Variants in DBF4B observed in about 807,000 individuals in gnomAD.
DBF4B encodes protein DBF4 homolog B.
Under a neutral mutation model 53.4 loss-of-function variants are expected in DBF4B, and 49 were observed. That is an observed-to-expected ratio of 0.92 (90% CI 0.73 to 1.16). The LOEUF (loss-of-function observed/expected upper bound fraction) is 1.16. Ranked by LOEUF, DBF4B falls within the 50% of genes most tolerant of loss-of-function variation. DBF4B has a pLI of 0.00. For synonymous variants in DBF4B, 257 were observed against 288.7 expected (o/e 0.89, Z 1.11); for missense variants, 692 against 775.0 (o/e 0.89, Z 1.27).
Position 44,733,907 on chromosome 17 carries a change from A to G in DBF4B, c.557-183A>G, listed in dbSNP as rs1437976480. ...TCAGGTGCTGTTCCAGGGATAGAGG[A>G]CCCAGTCCTTAACCTCCGCTGTCAG... On this transcript the variant is annotated intron_variant, in intron 6 of 13. Transcript: ENST00000315005. The G allele has an allele frequency of 2.2e-5, 13 of 596,202 alleles. No individual in the cohort carries two copies. In the East Asian group the frequency reaches 3.3e-4, roughly 15 times the overall value. 36.9% of individuals were successfully genotyped at this position (596,202 alleles called of 1,614,324 possible). A position where few individuals can be genotyped will look rare whatever the true frequency, so the allele number is the denominator to read the frequency against.
At chr17:44,724,531 C>A (rs1974124286) in intron 3 of DBF4B, among the ~76,000 whole-genome samples, 1 of 152,220 alleles carries the variant, frequency 6.6e-6, no homozygotes. Context: ...GCGCCTATCA[C>A]CACGCCCGGC....
intron 2 of DBF4B, among the ~76,000 whole-genome samples, chr17:44,718,019 C>G (rs1204083219): frequency 6.6e-6 from 1 of 151,204 alleles, no homozygotes; most frequent in Non-Finnish European, 1.5e-5. Flanking sequence ...GAGTGAGATC[C>G]TGTCTCAAAA....
chr17:44,734,124 G>A lies in DBF4B; in HGVS notation c.591G>A (p.Ala197=), dbSNP rs367605540. ...TGCACGTGCAACAGCTGTCTCTTGCGTCTTTATGTGTGAAAAAACAACAGC... is the reference window on the plus strand; with the variant it reads ...TGCACGTGCAACAGCTGTCTCTTGCATCTTTATGTGTGAAAAAACAACAGC... ...MMMHVQQLSL[A]SLCVKKQQPK... The change falls in exon 7 of 14, where the codon GCG becomes GCA. Residue 197 remains alanine, a synonymous_variant. Transcript: ENST00000315005. The A allele has an allele frequency of 3.7e-5, 59 of 1,614,018 alleles. No individual in the cohort carries two copies. Among genetic ancestry groups the A allele is most frequent in the Non-Finnish European group, 3.9e-5 (46 of 1,180,026 alleles).
At chr17:44,726,292 T>TTTTTTTTC (rs1555676222) in intron 3 of DBF4B, among the ~76,000 whole-genome samples, 1 of 132,054 alleles carries the variant, frequency 7.6e-6, no homozygotes, top group Admixed American at 8.0e-5. Flanking sequence ...CCCGGCCCTT[T>TTTTTTTTC]TTTATTTATT....
At chr17:44,714,738 G>T (rs1368313918) in intron 2 of DBF4B, among the ~76,000 whole-genome samples, 2 of 151,852 alleles carry the variant, frequency 1.3e-5, no homozygotes, top group Non-Finnish European at 2.9e-5. Flanking sequence ...TTGTAGAAGT[G>T]GAGTCTCACT....
Position 44,751,860 on chromosome 17 carries a change from G to T in DBF4B, c.*607G>T. ...TCCTTGAAGCCTGGCTCCCTTGGTC[G>T]CAGCAGCCCCTCAGTGGCCTGGTTC... On this transcript the variant is annotated 3_prime_UTR_variant, in exon 14 of 14. Transcript: ENST00000315005. 6.5e-7 allele frequency: 1 copy of T among 1,535,530 alleles called. No individual in the cohort carries two copies. Among genetic ancestry groups the T allele is most frequent in the South Asian group, 1.2e-5 (1 of 84,032 alleles).
At chr17:44,741,159 GA>G (rs1318993197) in intron 9 of DBF4B, among the ~76,000 whole-genome samples, 176 bp from the exon 10 acceptor site, 1 of 152,062 alleles carries the variant, frequency 6.6e-6, no homozygotes, top group Non-Finnish European at 1.5e-5. Context: ...AGTAGACAGG[GA>G]GAACATATGT....
At position 44,747,377 on chromosome 17, in the gene DBF4B, T is replaced by A. The variant is rs1294544349; in HGVS notation, c.940-14T>A. 10 of 1,612,950 alleles carry A rather than the reference T, an allele frequency of 6.2e-6. No homozygotes were observed. Among genetic ancestry groups the A allele is most frequent in the Middle Eastern group, 3.3e-4 (2 of 6,080 alleles). The stretch of plus-strand genomic sequence containing the variant: ...CCTCATCTAATGCCCTGTGCTCCTC[T>A]CCCCCGCCGGCAGCATCTTCAGAGT... On this transcript the variant is annotated splice_polypyrimidine_tract_variant and intron_variant, in intron 11 of 13. Transcript: ENST00000315005.
At chr17:44,720,530 ACATCAG>A in intron 2 of DBF4B, 1 of 183,074 alleles carries the variant, frequency 5.5e-6, no homozygotes, top group East Asian at 1.3e-4. Flanking sequence ...CTTGCCACCA[ACATCAG>A]CTTTCTTGGC....
At chr17:44,713,327 C>G (rs1041264800) in intron 2 of DBF4B, among the ~76,000 whole-genome samples, 2 of 149,694 alleles carry the variant, frequency 1.3e-5, no homozygotes, top group Non-Finnish European at 3.0e-5. Flanking sequence ...AGGTGTGAGC[C>G]ACCACGCCCC....
At chr17:44,735,132 A>G (rs1204579931) in intron 7 of DBF4B, among the ~76,000 whole-genome samples, 6 of 152,142 alleles carry the variant, frequency 3.9e-5, no homozygotes. Flanking sequence ...TGGAGCATTC[A>G]GACACTGACG....
intron 9 of DBF4B, among the ~76,000 whole-genome samples, chr17:44,739,770 G>T (rs1975809101): frequency 6.6e-6 from 1 of 152,012 alleles, no homozygotes; most frequent in Non-Finnish European, 1.5e-5. Context: ...GAGATTTCTT[G>T]TGAAATTTTT....
chr17:44,745,424 C>G (rs1976496979), intron 10 of DBF4B, among the ~76,000 whole-genome samples: 1 of 152,152 alleles, frequency 6.6e-6, no homozygotes, highest in Non-Finnish European at 1.5e-5. Flanking sequence ...GTTTAATAGA[C>G]TCACAGTTCA....
rs543706982 is a variant in DBF4B, at chr17:44,718,202, C to T, written c.83-4678C>T. ...ATCCCAGCACTTTGGGAGGCCGAGG[C>T]GGGCGGATCATGAGTTCAAGAGATC... On this transcript the variant is annotated intron_variant, in intron 2 of 13. Transcript: ENST00000315005. 5.9e-5 allele frequency among the ~76,000 whole-genome samples: 9 copies of T among 151,960 alleles called. No individual in the cohort carries two copies. The East Asian group carries it at 1.2e-3, about 20-fold the overall frequency.
intron 10 of DBF4B, among the ~76,000 whole-genome samples, chr17:44,743,140 C>T (rs992598886): frequency 1.3e-5 from 2 of 152,170 alleles, no homozygotes; most frequent in South Asian, 2.1e-4. Flanking sequence ...CCAGGCTTGG[C>T]GCTGGCAGTG....
intron 8 of DBF4B, 105 bp from the exon 9 acceptor site, chr17:44,738,274 C>T (rs1056225770): frequency 2.3e-6 from 3 of 1,311,308 alleles, no homozygotes; most frequent in African/African-American, 1.5e-5. Context: ...TTGCAAGGCT[C>T]TTAGGCTTTG....
intron 3 of DBF4B, among the ~76,000 whole-genome samples, chr17:44,723,356 C>T (rs535027785): frequency 3.9e-5 from 6 of 152,144 alleles, no homozygotes; most frequent in Admixed American, 1.3e-4. Context: ...CTGCCAACCT[C>T]GGCTTCCCAA....
chr17:44,747,320 G>T, intron 11 of DBF4B, 71 bp from the exon 12 acceptor site: 2 of 1,603,714 alleles, frequency 1.2e-6, no homozygotes, highest in Non-Finnish European at 1.7e-6. Flanking sequence ...CATGGGCTGG[G>T]AGGTCAGCTT....
intron 8 of DBF4B, among the ~76,000 whole-genome samples, chr17:44,737,285 G>A (rs529044523): frequency 9.9e-4 from 150 of 152,280 alleles, no homozygotes; most frequent in Admixed American, 1.5e-3. Flanking sequence ...CCGTCTCCTG[G>A]TTCCTCTTGG....
Sources: allele counts gnomAD v4.1 joint callset (sites outside exome capture counted in the v4.1 genomes callset), GRCh38; gene constraint gnomAD v4.1.1; transcripts MANE v1.5; gene names NCBI Gene and HGNC (gene_info 2026-07-23, HGNC 2026-07-21).